KLB: variants seen among roughly 807,000 people sequenced by gnomAD.
The protein encoded by KLB is klotho beta, also known as beta-klotho.
A neutral mutation model predicts 88.4 loss-of-function variants in KLB; 44 were observed. That is an observed-to-expected ratio of 0.50 (90% CI 0.39 to 0.64). KLB has a LOEUF of 0.64. Among genes scored for constraint, KLB ranks in the 30% least tolerant of loss-of-function variants. The pLI, the probability that KLB is intolerant of heterozygous loss-of-function variation, is 0.00. For missense variants in KLB, 1,137 were observed against 1,304.8 expected, an observed-to-expected ratio of 0.87 and a Z score of 1.98; for synonymous variants, 548 against 513.4, an observed-to-expected ratio of 1.07 and a Z score of -0.91.
intron 1 of KLB, among the ~76,000 whole-genome samples, chr4:39,417,292 A>C (rs77273006): frequency 0.012 from 1,894 of 151,908 alleles, 45 homozygotes; most frequent in African/African-American, 0.044. Flanking sequence ...CTCCCACATC[A>C]AAAAAGTGGT....
At chr4:39,443,202 A>T (rs1743652235) in intron 3 of KLB, among the ~76,000 whole-genome samples, 1 of 152,080 alleles carries the variant, frequency 6.6e-6, no homozygotes, top group Admixed American at 6.6e-5. Context: ...CTGTGGTTGA[A>T]GTAGTATTAC....
chr4:39,407,339 T>A lies in KLB; in HGVS notation c.390T>A (p.Ser130Arg). 1 of 1,614,200 alleles carries A rather than the reference T, an allele frequency of 6.2e-7. No individual in the cohort carries two copies. The highest frequency in any genetic ancestry group is 8.5e-7 in the Non-Finnish European group (1 of 1,180,012). ...NVSSTNGSSD[S>R]YIFLEKDLSA... ...GCAGCACGAATGGTTCCAGTGACAG[T>A]TATATTTTTCTGGAAAAAGACTTAT... The change falls in exon 1 of 5, where the codon AGT becomes AGA. Residue 130 changes from serine (S) to arginine (R), a missense_variant. Transcript: ENST00000257408.
At chr4:39,420,456 C>CG (rs986180822) in intron 1 of KLB, among the ~76,000 whole-genome samples, 6 of 152,000 alleles carry the variant, frequency 3.9e-5, no homozygotes, top group African/African-American at 1.5e-4. Context: ...TTTTGGAAGT[C>CG]GGGGGAAGCT....
At chr4:39,412,488 T>C (rs553505843) in intron 1 of KLB, among the ~76,000 whole-genome samples, 39 of 152,254 alleles carry the variant, frequency 2.6e-4, no homozygotes, top group Non-Finnish European at 5.3e-4. Flanking sequence ...CCCATCCTCT[T>C]GCACTTCATA....
At chr4:39,433,576 TGGGC>T (rs774411298) in intron 1 of KLB, among the ~76,000 whole-genome samples, 13,431 of 152,130 alleles carry the variant, frequency 0.088, 1,671 homozygotes, top group African/African-American at 0.28. Context: ...ATCACTGCTC[TGGGC>T]CAGGCGCGAT....
At chr4:39,429,000 C>T (rs28566865) in intron 1 of KLB, among the ~76,000 whole-genome samples, 1,604 of 152,278 alleles carry the variant, frequency 0.011, 36 homozygotes, top group African/African-American at 0.037. Flanking sequence ...TGAGCCATGG[C>T]ACCCGGTCTT....
Position 39,448,808 on chromosome 4 carries a change from T to C in KLB, c.*122T>C. On this transcript the variant is annotated 3_prime_UTR_variant, in exon 5 of 5. Transcript: ENST00000257408. ...TGAGATACAGCTGTAACCAAGGTGA[T>C]GACAATTGTCTCTGCTGTGTGGTTC... 2 of 939,084 alleles carry C rather than the reference T, an allele frequency of 2.1e-6. No individual in the cohort carries two copies. The highest frequency in any genetic ancestry group is 3.2e-6 in the Non-Finnish European group (2 of 629,126). 58.2% of individuals were successfully genotyped at this position (939,084 alleles called of 1,614,324 possible). A position where few individuals can be genotyped will look rare whatever the true frequency, so the allele number is the denominator to read the frequency against.
Position 39,447,043 on chromosome 4 carries a change from G to T in KLB, c.2317G>T (p.Ala773Ser). 1 of 1,612,010 alleles carries T rather than the reference G, an allele frequency of 6.2e-7. No homozygotes were observed. The highest frequency in any genetic ancestry group is 1.7e-5 in the Admixed American group (1 of 60,024). ...CCTGCAGTTCGAGATCGCCTGGTTC[G>T]CCGAGCCGCTCTTCAAGACCGGGGA... ...RFLQFEIAWF[A>S]EPLFKTGDYP... Residue 773 changes from alanine to serine, a missense_variant, in exon 4 of 5, where the codon GCC becomes TCC. Ala to Ser is a moderately conservative substitution (Grantham distance 99). Transcript: ENST00000257408.
intron 1 of KLB, among the ~76,000 whole-genome samples, chr4:39,428,467 T>C (rs1743269334): frequency 6.6e-6 from 1 of 150,618 alleles, no homozygotes; most frequent in African/African-American, 2.4e-5. Flanking sequence ...AAATAGGTAG[T>C]CCATTCCTGG....
chr4:39,428,278 A>C (rs1270862582), intron 1 of KLB, among the ~76,000 whole-genome samples: 2 of 152,272 alleles, frequency 1.3e-5, no homozygotes, highest in African/African-American at 4.8e-5. Flanking sequence ...AATACAAAAA[A>C]TTAGCTGGGT....
At chr4:39,425,384 C>G (rs1250647481) in intron 1 of KLB, among the ~76,000 whole-genome samples, 2 of 152,202 alleles carry the variant, frequency 1.3e-5, no homozygotes, top group African/African-American at 4.8e-5. Flanking sequence ...TACATTCCTT[C>G]AGGAAAATTC....
intron 2 of KLB, among the ~76,000 whole-genome samples, chr4:39,435,577 C>T (rs1743456719): frequency 1.3e-5 from 2 of 152,068 alleles, no homozygotes; most frequent in Admixed American, 6.5e-5. Flanking sequence ...AGGTGTCTGC[C>T]ACCACGCCCA....
intron 4 of KLB, among the ~76,000 whole-genome samples, 162 bp downstream of exon 4, chr4:39,447,637 GAAA>G (rs553526035): frequency 6.6e-6 from 1 of 152,092 alleles, no homozygotes; most frequent in Admixed American, 6.6e-5. Context: ...TGGGATTTTT[GAAA>G]AAATTTTAAA....
At position 39,449,067 on chromosome 4, in the gene KLB, G is replaced by C; in HGVS notation, c.*381G>C. ...GGGCTGGACGCTGTGGCTCACACCT[G>C]TAATCTCAGCACTTTGGGAGGCCGA... On this transcript the variant is annotated 3_prime_UTR_variant, in exon 5 of 5. Transcript: ENST00000257408. 1 of 165,972 alleles carries C rather than the reference G, an allele frequency of 6.0e-6. No homozygotes were observed. The allele number at this position is 165,972 out of a possible 1,614,324, so 10.3% of individuals were successfully genotyped here. A position where few individuals can be genotyped will look rare whatever the true frequency, so the allele number is the denominator to read the frequency against.
rs1743862157 is a variant in KLB, at chr4:39,450,300, C to A, written c.*1614C>A. ...ATTAATTTGTCCTTGTCTGCTCACT[C>A]CAGCAATTTAGACCTTAACAGTCAC... On this transcript the variant is annotated 3_prime_UTR_variant, in exon 5 of 5. Coordinates refer to ENST00000257408, the MANE Select transcript of KLB (RefSeq NM_175737.4). The A allele has an allele frequency of 6.6e-6, 1 of 152,240 alleles. No individual in the cohort carries two copies. Among genetic ancestry groups the A allele is most frequent in the African/African-American group, 2.4e-5 (1 of 41,454 alleles). 9.4% of individuals were successfully genotyped at this position (152,240 alleles called of 1,614,324 possible).
chr4:39,446,728 G>A lies in KLB; in HGVS notation c.2002G>A (p.Glu668Lys), dbSNP rs1743756239. The A allele has an allele frequency of 1.2e-6, 2 of 1,605,936 alleles. No individual in the cohort carries two copies. The highest frequency in any genetic ancestry group is 1.7e-5 in the Admixed American group (1 of 59,568). The change falls in exon 4 of 5, where the codon GAG (glutamate) becomes AAG (lysine). Residue 668 changes from glutamate to lysine, a missense_variant. Glu to Lys is a moderately conservative substitution (Grantham distance 56, BLOSUM62 1). Around this residue, in one of 4 missense-constraint regions of KLB, gnomAD observed 597 missense variants for 765.2 expected, o/e 0.78. Transcript: ENST00000257408. The surrounding 1 kb of genome is among the most constrained non-coding windows in gnomAD (Gnocchi z 6.4). ...ADGWLNPSTA[E>K]AFQAYAGLCF... ...CGGGTGGCTGAACCCATCGACGGCC[G>A]AGGCCTTCCAGGCCTACGCTGGGCT...
At chr4:39,422,052 G>T (rs895151088) in intron 1 of KLB, among the ~76,000 whole-genome samples, 2 of 152,136 alleles carry the variant, frequency 1.3e-5, no homozygotes, top group African/African-American at 4.8e-5. Context: ...GGCCGCCTCT[G>T]AGTGTTTCTT....
intron 1 of KLB, among the ~76,000 whole-genome samples, chr4:39,423,058 C>T (rs2608845): frequency 5.3e-5 from 8 of 151,706 alleles, no homozygotes; most frequent in Non-Finnish European, 8.8e-5. Flanking sequence ...TGAGCCACCG[C>T]TCCCGGCCTC....
intron 1 of KLB, among the ~76,000 whole-genome samples, chr4:39,424,859 C>T (rs928407483): frequency 4.6e-5 from 7 of 151,448 alleles, no homozygotes; most frequent in African/African-American, 1.7e-4. Flanking sequence ...GAATTCCTGA[C>T]CTCAAGTGAT....
Sources: allele counts gnomAD v4.1 joint callset (sites outside exome capture counted in the v4.1 genomes callset), GRCh38; gene constraint gnomAD v4.1.1; regional missense constraint gnomAD v4.1.1; non-coding constraint Gnocchi (gnomAD v3.1); transcripts MANE v1.5; gene names NCBI Gene and HGNC (gene_info 2026-07-23, HGNC 2026-07-21).